Variants in FAM135B observed in about 807,000 individuals in gnomAD.
FAM135B encodes the protein protein FAM135B.
A neutral mutation model predicts 127.7 loss-of-function variants in FAM135B; 43 were observed. The observed-to-expected ratio is 0.34, with a 90% CI of 0.26 to 0.43. The LOEUF (loss-of-function observed/expected upper bound fraction) is 0.43. FAM135B is among the 20% of genes least tolerant of loss of function. The pLI, the probability that FAM135B is intolerant of heterozygous loss-of-function variation, is 1.00. For missense variants in FAM135B, 1,558 were observed against 1,725.6 expected (o/e 0.90, Z 1.72); for synonymous variants, 670 against 665.1 (o/e 1.01, Z -0.11).
chr8:138,442,267 T>TATATATATATACATATATATATAC (rs34280434), intron 1 of FAM135B, among the ~76,000 whole-genome samples: 1 of 86,762 alleles, frequency 1.2e-5, no homozygotes, highest in African/African-American at 4.5e-5. Flanking sequence ...TATATATATA[T>TATATATATATACATATATATATAC]ATATATATAT....
At position 138,132,562 on chromosome 8, in the gene FAM135B, G is replaced by T; in HGVS notation, c.*31C>A. 1 of 1,569,122 alleles carries T rather than the reference G, an allele frequency of 6.4e-7. No individual in the cohort carries two copies. Among genetic ancestry groups the T allele is most frequent in the Non-Finnish European group, 8.8e-7 (1 of 1,139,672 alleles). ...AGCTAAAGCTCTCCACCGATCGTAA[G>T]CATTACCAAAGACCTGCTCCCTCAA... On this transcript the variant is annotated 3_prime_UTR_variant, in exon 20 of 20. Transcript: ENST00000395297. The surrounding 1 kb of genome is among the most constrained non-coding windows in gnomAD (Gnocchi z 4.5).
chr8:138,424,407 C>A (rs1199010725), intron 1 of FAM135B, among the ~76,000 whole-genome samples: 1 of 152,164 alleles, frequency 6.6e-6, no homozygotes, highest in Non-Finnish European at 1.5e-5. Context: ...CCCTGACTTC[C>A]CACAACAGTG....
chr8:138,289,166 T>C (rs1013243495), intron 3 of FAM135B, among the ~76,000 whole-genome samples: 7 of 152,216 alleles, frequency 4.6e-5, no homozygotes, highest in Non-Finnish European at 1.0e-4. Flanking sequence ...CTATTTTCCT[T>C]TTTGTAAAAT....
At chr8:138,489,951 T>C (rs1169146210) in intron 1 of FAM135B, among the ~76,000 whole-genome samples, 1 of 152,248 alleles carries the variant, frequency 6.6e-6, no homozygotes, top group Non-Finnish European at 1.5e-5. Flanking sequence ...TCAGGTCTTA[T>C]CTCTATCATA....
At chr8:138,377,177 T>C (rs1364405018) in intron 1 of FAM135B, among the ~76,000 whole-genome samples, 1 of 152,226 alleles carries the variant, frequency 6.6e-6, no homozygotes, top group Non-Finnish European at 1.5e-5. Context: ...CTTTGAAAGA[T>C]TAAATGATAA....
chr8:138,173,103 G>C (rs911250685), intron 11 of FAM135B, among the ~76,000 whole-genome samples: 1 of 151,878 alleles, frequency 6.6e-6, no homozygotes, highest in African/African-American at 2.4e-5. Flanking sequence ...CTCCCATTCT[G>C]AGCATTCAGG....
chr8:138,305,036 T>C (rs1375860525), intron 3 of FAM135B, among the ~76,000 whole-genome samples: 1 of 152,182 alleles, frequency 6.6e-6, no homozygotes, highest in Non-Finnish European at 1.5e-5. Context: ...TTTTACCTGC[T>C]TAGAATTCTC....
chr8:138,368,485 T>C (rs1830906645), intron 1 of FAM135B, among the ~76,000 whole-genome samples: 2 of 152,208 alleles, frequency 1.3e-5, no homozygotes, highest in Non-Finnish European at 2.9e-5. Flanking sequence ...TATGCCACAT[T>C]GAGCACTCTG....
intron 4 of FAM135B, among the ~76,000 whole-genome samples, chr8:138,259,165 T>A (rs891635167): frequency 8.5e-5 from 13 of 152,140 alleles, no homozygotes; most frequent in African/African-American, 2.7e-4. Flanking sequence ...AGGGCTCCAT[T>A]TCTTTGGCCT....
At chr8:138,297,410 A>C (rs1356607696) in intron 3 of FAM135B, among the ~76,000 whole-genome samples, 1 of 152,242 alleles carries the variant, frequency 6.6e-6, no homozygotes, top group Non-Finnish European at 1.5e-5. Context: ...TTAGAGGTGG[A>C]GCCAGGATTT....
At chr8:138,157,914 C>T (rs530112719) in intron 12 of FAM135B, among the ~76,000 whole-genome samples, 66 of 152,294 alleles carry the variant, frequency 4.3e-4, no homozygotes, top group Non-Finnish European at 7.2e-4. Context: ...CATCAAGCTA[C>T]CAATGACTTT....
intron 1 of FAM135B, among the ~76,000 whole-genome samples, chr8:138,409,318 G>C (rs1435545770): frequency 3.3e-5 from 5 of 152,108 alleles, no homozygotes; most frequent in African/African-American, 1.2e-4. Flanking sequence ...TATCAATTAA[G>C]TTCACGGTCT....
chr8:138,320,898 G>A (rs534018604), intron 2 of FAM135B, among the ~76,000 whole-genome samples: 36 of 152,264 alleles, frequency 2.4e-4, no homozygotes, highest in Non-Finnish European at 3.8e-4. Context: ...GTAAAATGAG[G>A]AGTAATATTC....
intron 2 of FAM135B, among the ~76,000 whole-genome samples, chr8:138,350,925 T>G (rs1829736126): frequency 6.6e-6 from 1 of 152,146 alleles, no homozygotes; most frequent in Non-Finnish European, 1.5e-5. Flanking sequence ...CCATATAACC[T>G]GCTTACCTCC....
At chr8:138,438,490 G>T (rs1835585465) in intron 1 of FAM135B, 1 of 151,516 alleles carries the variant, frequency 6.6e-6, no homozygotes, top group Non-Finnish European at 1.5e-5. Context: ...CTCTATCAAA[G>T]AAAAAAACAG....
At chr8:138,167,828 T>C in intron 12 of FAM135B, 67 bp downstream of exon 12, 1 of 1,497,082 alleles carries the variant, frequency 6.7e-7, no homozygotes, top group South Asian at 1.4e-5. Flanking sequence ...ATAAACAAAC[T>C]GTGCCATTGT....
intron 12 of FAM135B, among the ~76,000 whole-genome samples, chr8:138,158,528 T>G (rs569601848): frequency 6.6e-6 from 1 of 152,306 alleles, no homozygotes; most frequent in South Asian, 2.1e-4. Context: ...GAGAAAATTT[T>G]TATAATCTAC....
chr8:138,399,241 A>G (rs2131357469), intron 1 of FAM135B, among the ~76,000 whole-genome samples: 1 of 152,234 alleles, frequency 6.6e-6, no homozygotes, highest in Admixed American at 6.5e-5. Flanking sequence ...GCTTTGAACC[A>G]TATATTATAT....
At chr8:138,190,893 T>A (rs777598601) in intron 9 of FAM135B, among the ~76,000 whole-genome samples, 1 of 152,170 alleles carries the variant, frequency 6.6e-6, no homozygotes, top group African/African-American at 2.4e-5. Context: ...CAGCTTTGAG[T>A]TGCCCCACCT....
Sources: allele counts gnomAD v4.1 joint callset (sites outside exome capture counted in the v4.1 genomes callset), GRCh38; gene constraint gnomAD v4.1.1; non-coding constraint Gnocchi (gnomAD v3.1); transcripts MANE v1.5; gene names NCBI Gene and HGNC (gene_info 2026-07-23, HGNC 2026-07-21).